The following FCHSD2 variants were observed in gnomAD, a reference collection of about 807,000 sequenced individuals.
FCHSD2 encodes the protein FCH and double SH3 domains 2.
In FCHSD2, 38 loss-of-function variants were observed where a neutral mutation model predicts 108.1. The observed-to-expected ratio is 0.35, with a 90% CI of 0.27 to 0.46. The LOEUF (loss-of-function observed/expected upper bound fraction) is 0.46. FCHSD2 is among the 20% of genes least tolerant of loss of function. FCHSD2 has a pLI of 1.00. For missense variants in FCHSD2, 751 were observed against 897.8 expected (o/e 0.84, Z 2.09); for synonymous variants, 279 against 314.7 (o/e 0.89, Z 1.20).
chr11:73,058,138 C>T (rs1242314638), intron 3 of FCHSD2, among the ~76,000 whole-genome samples: 2 of 152,158 alleles, frequency 1.3e-5, no homozygotes, highest in Non-Finnish European at 2.9e-5. Flanking sequence ...CTCAGCCTCC[C>T]AAAGTGCTGG....
At chr11:72,984,994 A>T in intron 7 of FCHSD2, 68 bp downstream of exon 7, 1 of 694,804 alleles carries the variant, frequency 1.4e-6, no homozygotes, top group South Asian at 1.6e-5. Context: ...CCACCCTCAA[A>T]GATCCAATTC....
intron 2 of FCHSD2, among the ~76,000 whole-genome samples, chr11:73,119,753 G>A (rs531944254): frequency 6.6e-6 from 1 of 152,196 alleles, no homozygotes; most frequent in Non-Finnish European, 1.5e-5. Flanking sequence ...GGCCTAGACA[G>A]CCATTTAAAG....
chr11:73,113,300 G>C (rs1860531527), intron 2 of FCHSD2, among the ~76,000 whole-genome samples: 1 of 148,288 alleles, frequency 6.7e-6, no homozygotes, highest in South Asian at 2.1e-4. Context: ...TGTTTCTCCA[G>C]GACTGTTCCC....
At chr11:72,908,637 GAT>G in intron 9 of FCHSD2, among the ~76,000 whole-genome samples, 1 of 152,256 alleles carries the variant, frequency 6.6e-6, no homozygotes, top group African/African-American at 2.4e-5. Context: ...GATGATTAAT[GAT>G]GTTGAGTACC....
intron 8 of FCHSD2, among the ~76,000 whole-genome samples, chr11:72,946,851 A>T (rs1243408076): frequency 6.6e-6 from 1 of 152,202 alleles, no homozygotes; most frequent in Non-Finnish European, 1.5e-5. Context: ...AAATTTTTCA[A>T]GCTTAAGTAA....
chr11:73,119,511 C>T (rs1860682858), intron 2 of FCHSD2, among the ~76,000 whole-genome samples: 1 of 152,176 alleles, frequency 6.6e-6, no homozygotes, highest in African/African-American at 2.4e-5. Context: ...GTCACCTAAA[C>T]TGGAAGGCAG....
intron 8 of FCHSD2, among the ~76,000 whole-genome samples, chr11:72,925,803 G>A (rs1038587909): frequency 6.6e-6 from 1 of 152,198 alleles, no homozygotes; most frequent in Non-Finnish European, 1.5e-5. Flanking sequence ...AGTGGCTACA[G>A]AGCCCTGCCC....
intron 3 of FCHSD2, among the ~76,000 whole-genome samples, chr11:73,044,336 G>A (rs1858706906): frequency 6.6e-6 from 1 of 152,154 alleles, no homozygotes; most frequent in South Asian, 2.1e-4. Context: ...CCAATGCTTT[G>A]GGAAGCCAAG....
intron 2 of FCHSD2, among the ~76,000 whole-genome samples, chr11:73,105,212 G>A (rs1209249707): frequency 6.6e-6 from 1 of 152,188 alleles, no homozygotes; most frequent in East Asian, 1.9e-4. Context: ...CTTAGGAAAA[G>A]AACCTAGTAT....
At chr11:73,059,040 A>T (rs1226254092) in intron 3 of FCHSD2, among the ~76,000 whole-genome samples, 1 of 152,224 alleles carries the variant, frequency 6.6e-6, no homozygotes, top group African/African-American at 2.4e-5. Context: ...AGCTAAGCTA[A>T]GAAATACCAT....
chr11:73,004,158 C>A (rs1479057290), intron 4 of FCHSD2, among the ~76,000 whole-genome samples: 1 of 138,516 alleles, frequency 7.2e-6, no homozygotes, highest in African/African-American at 2.7e-5. Context: ...ATATACGGTA[C>A]TTTGCCATTC....
intron 9 of FCHSD2, among the ~76,000 whole-genome samples, chr11:72,903,716 A>T (rs1377213036): frequency 6.6e-6 from 1 of 152,188 alleles, no homozygotes; most frequent in African/African-American, 2.4e-5. Flanking sequence ...GCAGTATATT[A>T]TAGCCCATTA....
intron 3 of FCHSD2, among the ~76,000 whole-genome samples, chr11:73,030,482 T>A (rs1287717745): frequency 1.3e-5 from 2 of 152,168 alleles, no homozygotes; most frequent in Non-Finnish European, 2.9e-5. Context: ...TAGGGATGGA[T>A]TGTATATGTC....
intron 2 of FCHSD2, among the ~76,000 whole-genome samples, chr11:73,118,272 CTG>C (rs1275784289): frequency 2.0e-5 from 3 of 152,152 alleles, no homozygotes; most frequent in Non-Finnish European, 4.4e-5. Context: ...TGAGCCGAGA[CTG>C]TGCCACTGCA....
rs928445821 is a variant in FCHSD2 at position 72,931,411 on chromosome 11, AT to A, written c.706-9462del. Among the ~76,000 whole-genome samples the A allele has an allele frequency of 6.1e-5, 9 of 146,816 alleles. No individual in the cohort carries two copies. In the South Asian group the frequency reaches 6.5e-4, roughly 11 times the overall value. ...TGTGAGCCACCATGCCCAGCCTTAA[AT>A]TTTTTTTTTAAATAAAATAAAAATT... On this transcript the variant is annotated intron_variant, in intron 8 of 19. Transcript: ENST00000409418.
intron 8 of FCHSD2, among the ~76,000 whole-genome samples, chr11:72,961,071 A>G (rs1368010677): frequency 2.6e-5 from 4 of 152,264 alleles, no homozygotes; most frequent in Non-Finnish European, 5.9e-5. Flanking sequence ...CTCAAACCTA[A>G]TGCTTTCCAT....
intron 3 of FCHSD2, among the ~76,000 whole-genome samples, chr11:73,022,453 C>T (rs576725696): frequency 2.6e-5 from 4 of 152,280 alleles, no homozygotes; most frequent in Non-Finnish European, 4.4e-5. Context: ...AAGTTAATTG[C>T]TCTCCTACAT....
chr11:72,989,736 G>C (rs1039146913), intron 5 of FCHSD2, among the ~76,000 whole-genome samples: 3 of 152,164 alleles, frequency 2.0e-5, no homozygotes, highest in Non-Finnish European at 4.4e-5. Context: ...TAACACACCG[G>C]GGCCAAGCAA....
chr11:73,065,558 A>C (rs1313685846), intron 3 of FCHSD2, among the ~76,000 whole-genome samples: 2 of 152,202 alleles, frequency 1.3e-5, no homozygotes, highest in African/African-American at 4.8e-5. Context: ...GAAGAGAGGA[A>C]GTCAAATTGT....
Sources: gnomAD v4.1 joint callset for allele counts (sites outside exome capture counted in the v4.1 genomes callset) on GRCh38, gnomAD v4.1.1 for gene constraint, MANE v1.5 for transcripts, NCBI Gene and HGNC (gene_info 2026-07-23, HGNC 2026-07-21) for gene names.